CCDC171: variants seen among roughly 807,000 people sequenced by gnomAD.
The protein encoded by CCDC171 is coiled-coil domain-containing protein 171.
A neutral mutation model predicts 168.2 loss-of-function variants in CCDC171; 177 were observed. The ratio of observed to expected loss-of-function variants is 1.05; its 90% CI spans 0.93 to 1.19. The LOEUF is 1.19. CCDC171 is among the 50% of genes most tolerant of loss of function. The pLI is 0.00. For missense variants in CCDC171, 1,991 were observed against 1,539.0 expected, an observed-to-expected ratio of 1.29 and a Z score of -4.91; for synonymous variants, 687 against 540.8, an observed-to-expected ratio of 1.27 and a Z score of -3.75.
At chr9:15,580,452 C>G (rs901211488) in intron 4 of CCDC171, among the ~76,000 whole-genome samples, 1 of 152,118 alleles carries the variant, frequency 6.6e-6, no homozygotes, top group Non-Finnish European at 1.5e-5. Context: ...ACAGACAGCA[C>G]AGACTGGGAG....
chr9:16,048,656 C>CT (rs952843004), intron 1 of CCDC171, among the ~76,000 whole-genome samples: 2 of 152,064 alleles, frequency 1.3e-5, no homozygotes, highest in Admixed American at 6.6e-5. Context: ...ATCTCTCTCT[C>CT]TTTTTTCTTT....
chr9:15,634,245 TTA>T (rs2046012549), intron 7 of CCDC171, among the ~76,000 whole-genome samples: 1 of 151,800 alleles, frequency 6.6e-6, no homozygotes, highest in South Asian at 2.1e-4. Context: ...TTTTTAACTT[TTA>T]AAAAAATTAA....
At chr9:16,065,309 A>AGT (rs1409403546), downstream of CCDC171, among the ~76,000 whole-genome samples, 1 of 152,012 alleles carries the variant, frequency 6.6e-6, no homozygotes, top group African/African-American at 2.4e-5. Context: ...GGCTGTGTGT[A>AGT]GTGCAAGCTC....
intron 11 of CCDC171, among the ~76,000 whole-genome samples, chr9:15,711,321 C>T (rs1473987640): frequency 6.6e-6 from 1 of 152,096 alleles, no homozygotes; most frequent in African/African-American, 2.4e-5. Context: ...TTAAATTCTT[C>T]ATCTTGTACA....
chr9:15,596,067 G>T (rs1042848119), intron 6 of CCDC171, among the ~76,000 whole-genome samples: 1 of 152,020 alleles, frequency 6.6e-6, no homozygotes, highest in Non-Finnish European at 1.5e-5. Context: ...TGAGTAGATT[G>T]CAAAAATTTT....
intron 11 of CCDC171, among the ~76,000 whole-genome samples, chr9:15,700,845 A>T (rs1256604854): frequency 6.6e-6 from 1 of 151,564 alleles, no homozygotes; most frequent in Non-Finnish European, 1.5e-5. Flanking sequence ...ACTAATTTAC[A>T]TTCCCACCAA....
chr9:16,001,870 C>T (rs1450719008), intron 3 of CCDC171, among the ~76,000 whole-genome samples: 1 of 144,360 alleles, frequency 6.9e-6, no homozygotes, highest in African/African-American at 2.6e-5. Context: ...CAGTGTCTCG[C>T]TCTGTCACCC....
intron 11 of CCDC171, among the ~76,000 whole-genome samples, chr9:15,707,993 A>G (rs1406308499): frequency 6.6e-6 from 1 of 152,166 alleles, no homozygotes; most frequent in Non-Finnish European, 1.5e-5. Flanking sequence ...GATTACAGGC[A>G]TCCAGCACTA....
chr9:15,889,450 A>C (rs1343476360), intron 24 of CCDC171, among the ~76,000 whole-genome samples: 1 of 152,110 alleles, frequency 6.6e-6, no homozygotes, highest in Non-Finnish European at 1.5e-5. Context: ...GGTATATTTG[A>C]GTGAATTTTT....
At chr9:15,554,156 A>G (rs1340657814) in intron 1 of CCDC171, among the ~76,000 whole-genome samples, 1 of 151,928 alleles carries the variant, frequency 6.6e-6, no homozygotes, top group African/African-American at 2.4e-5. Flanking sequence ...AGCAGCCGGG[A>G]CAACCGGCGC....
chr9:15,800,347 C>T (rs984000920), intron 21 of CCDC171, among the ~76,000 whole-genome samples: 12 of 152,078 alleles, frequency 7.9e-5, no homozygotes, highest in African/African-American at 2.9e-4. Context: ...TTTTGATATG[C>T]ATTTCTCTGA....
intron 7 of CCDC171, among the ~76,000 whole-genome samples, chr9:15,624,452 A>T (rs1055474488): frequency 1.3e-5 from 2 of 151,938 alleles, no homozygotes; most frequent in African/African-American, 2.4e-5. Flanking sequence ...TCCTAATGCT[A>T]TCCCTCCCCA....
At chr9:15,562,422 G>C (rs2039382167) in intron 1 of CCDC171, among the ~76,000 whole-genome samples, 1 of 152,144 alleles carries the variant, frequency 6.6e-6, no homozygotes. Context: ...ATATATCAGT[G>C]AGCTAGAAGT....
intron 21 of CCDC171, among the ~76,000 whole-genome samples, chr9:15,788,575 A>G (rs1012406455): frequency 5.9e-5 from 9 of 151,654 alleles, no homozygotes; most frequent in Admixed American, 3.3e-4. Context: ...TTTGTTTTAA[A>G]TCATATGTTT....
chr9:15,602,334 T>C (rs1187453362), intron 6 of CCDC171, among the ~76,000 whole-genome samples: 1 of 144,838 alleles, frequency 6.9e-6, no homozygotes, highest in Non-Finnish European at 1.6e-5. Flanking sequence ...TAGTATCTCA[T>C]AGTGTTCTCT....
At chr9:15,803,027 A>G (rs1488101744) in intron 21 of CCDC171, among the ~76,000 whole-genome samples, 1 of 152,038 alleles carries the variant, frequency 6.6e-6, no homozygotes, top group Admixed American at 6.6e-5. Context: ...GCTTATTTTC[A>G]TATGTTTGTT....
At chr9:15,613,409 C>T (rs1048035937) in intron 6 of CCDC171, among the ~76,000 whole-genome samples, 6 of 151,960 alleles carry the variant, frequency 3.9e-5, no homozygotes, top group Admixed American at 3.3e-4. Context: ...CACTAAACTT[C>T]TAAATAAAGA....
intron 24 of CCDC171, among the ~76,000 whole-genome samples, chr9:15,904,446 A>G (rs1358420247): frequency 6.6e-6 from 1 of 152,002 alleles, no homozygotes; most frequent in African/African-American, 2.4e-5. Flanking sequence ...AAGGAGAAAT[A>G]AAATCCTTTA....
chr9:15,726,085 A>G (rs1305770503), intron 14 of CCDC171, among the ~76,000 whole-genome samples: 10 of 152,208 alleles, frequency 6.6e-5, no homozygotes, highest in Non-Finnish European at 1.5e-5. Flanking sequence ...AACAAATATG[A>G]ACATGAATGC....
Sources: gnomAD v4.1 joint callset for allele counts (sites outside exome capture counted in the v4.1 genomes callset) on GRCh38, gnomAD v4.1.1 for gene constraint, MANE v1.5 for transcripts, NCBI Gene and HGNC (gene_info 2026-07-23, HGNC 2026-07-21) for gene names.